The following CLNK variants were observed in gnomAD, a reference collection of about 807,000 sequenced individuals.
CLNK encodes cytokine dependent hematopoietic cell linker.
In CLNK, 74 loss-of-function variants were observed where a neutral mutation model predicts 68.6. That is an observed-to-expected ratio of 1.08 (90% CI 0.89 to 1.31). The LOEUF (loss-of-function observed/expected upper bound fraction) is 1.31, where lower values mean the gene tolerates loss of function less well. Ranked by LOEUF, CLNK falls within the 50% of genes most tolerant of loss-of-function variation. The pLI is 0.00. For missense variants in CLNK, 553 were observed against 515.3 expected (o/e 1.07, Z -0.71); for synonymous variants, 198 against 172.2 (o/e 1.15, Z -1.17).
At chr4:10,599,765 C>T (rs893878057) in intron 2 of CLNK, among the ~76,000 whole-genome samples, 3 of 151,982 alleles carry the variant, frequency 2.0e-5, no homozygotes, top group Admixed American at 2.0e-4. Context: ...AGTCAGATTC[C>T]CCAGATGCCT....
chr4:10,703,248 AAAG>A, the CLNK span, among the ~76,000 whole-genome samples: 1 of 152,310 alleles, frequency 6.6e-6, no homozygotes, highest in Non-Finnish European at 1.5e-5. Flanking sequence ...TATGAACACT[AAAG>A]AACACTAACT....
At chr4:10,493,520 A>G (rs962441467) in intron 18 of CLNK, among the ~76,000 whole-genome samples, 13 of 151,978 alleles carry the variant, frequency 8.6e-5, no homozygotes, top group Non-Finnish European at 1.5e-4. Context: ...AACGAATCTC[A>G]TCTGTGAGGG....
chr4:10,668,767 G>A (rs1260959964), intron 1 of CLNK, among the ~76,000 whole-genome samples: 1 of 152,166 alleles, frequency 6.6e-6, no homozygotes, highest in Non-Finnish European at 1.5e-5. Flanking sequence ...GCTTTCAGTT[G>A]TGGGACCTGC....
At chr4:10,635,356 C>T (rs1723039366) in intron 2 of CLNK, among the ~76,000 whole-genome samples, 1 of 152,146 alleles carries the variant, frequency 6.6e-6, no homozygotes, top group African/African-American at 2.4e-5. Context: ...CAGATTGCCC[C>T]GTTTCCTACG....
At chr4:10,709,650 T>A in the CLNK span, among the ~76,000 whole-genome samples, 1 of 152,178 alleles carries the variant, frequency 6.6e-6, no homozygotes, top group Admixed American at 6.6e-5. Context: ...TCTAGATGCC[T>A]TGTAACTTGC....
intron 17 of CLNK, among the ~76,000 whole-genome samples, chr4:10,504,116 CTTTTTTT>C (rs10660433): frequency 1.5e-5 from 1 of 67,330 alleles, no homozygotes; most frequent in Non-Finnish European, 2.7e-5. Context: ...TCTTTGGGTT[CTTTTTTT>C]TTTTTTTTTT....
intron 3 of CLNK, among the ~76,000 whole-genome samples, chr4:10,585,157 A>C: frequency 6.6e-6 from 1 of 152,324 alleles, no homozygotes; most frequent in South Asian, 2.1e-4. Context: ...TTTCTGGAAA[A>C]TAGCATGTAG....
At chr4:10,725,138 T>C in the CLNK span, among the ~76,000 whole-genome samples, 2 of 152,084 alleles carry the variant, frequency 1.3e-5, no homozygotes, top group African/African-American at 4.8e-5. Flanking sequence ...CCAGGTCCCA[T>C]AGCACCGTAG....
chr4:10,712,193 T>C, the CLNK span, among the ~76,000 whole-genome samples: 105 of 152,230 alleles, frequency 6.9e-4, no homozygotes, highest in East Asian at 0.015. Flanking sequence ...AAGAGAAAGG[T>C]GAGGAGGTGC....
chr4:10,724,662 A>C, the CLNK span, among the ~76,000 whole-genome samples: 2 of 151,882 alleles, frequency 1.3e-5, no homozygotes, highest in African/African-American at 2.4e-5. Flanking sequence ...AGCTCTTAGG[A>C]AGAAGAGAGG....
intron 3 of CLNK, among the ~76,000 whole-genome samples, chr4:10,590,503 C>T (rs886263351): frequency 6.6e-5 from 10 of 152,104 alleles, no homozygotes; most frequent in Admixed American, 1.3e-4. Flanking sequence ...TTTGGTTCTC[C>T]CCAGGCACCG....
rs114465205 is a variant in CLNK at position 10,668,464 on chromosome 4, A to G, written c.-42-553T>C. Among the ~76,000 whole-genome samples the G allele has an allele frequency of 3.5e-3, 539 of 152,324 alleles. 3 individuals are homozygous for G. The highest frequency in any genetic ancestry group is 0.012 in the African/African-American group (519 of 41,576). On this transcript the variant is annotated intron_variant, in intron 1 of 18. Coordinates refer to ENST00000226951, the MANE Select transcript of CLNK (RefSeq NM_052964.4). ...AGTATTCAGTAAGGGCTTCGTATCAATGATCTCATATAATCTACTCAAAGG... is the reference window on the plus strand; with the variant it reads ...AGTATTCAGTAAGGGCTTCGTATCAGTGATCTCATATAATCTACTCAAAGG...
At chr4:10,494,015 T>C (rs1716704453) in intron 18 of CLNK, among the ~76,000 whole-genome samples, 1 of 152,234 alleles carries the variant, frequency 6.6e-6, no homozygotes, top group South Asian at 2.1e-4. Context: ...TCCTCCCTTC[T>C]AGCTTTGCCA....
In CLNK at chr4:10,598,067, A is replaced by C; in HGVS notation, c.12-18T>G. 6.5e-7 allele frequency: 1 copy of C among 1,527,400 alleles called. No individual in the cohort carries two copies. The highest frequency in any genetic ancestry group is 8.9e-7 in the Non-Finnish European group (1 of 1,121,562). 94.6% of individuals were successfully genotyped at this position (1,527,400 alleles called of 1,614,324 possible). A position where few individuals can be genotyped will look rare whatever the true frequency, so the allele number is the denominator to read the frequency against. On this transcript the variant is annotated intron_variant, in intron 2 of 18. Coordinates refer to ENST00000226951, the MANE Select transcript of CLNK (RefSeq NM_052964.4). ...TATTGCCCCTGGGATGAAAGAAAAT[A>C]AATTATAGCTGGGAAATAGCAAGAA... is the stretch of plus-strand genomic sequence containing the variant.
intron 3 of CLNK, among the ~76,000 whole-genome samples, chr4:10,590,972 G>C (rs1034498027): frequency 4.6e-5 from 7 of 152,170 alleles, no homozygotes; most frequent in African/African-American, 1.7e-4. Flanking sequence ...AGATGGATTA[G>C]CTGAGGTTAG....
chr4:10,533,851 G>A (rs910453597), intron 11 of CLNK, among the ~76,000 whole-genome samples: 9 of 152,158 alleles, frequency 5.9e-5, no homozygotes, highest in African/African-American at 2.2e-4. Context: ...AGTTTGAAGT[G>A]TTTAAGATAA....
chr4:10,504,611 G>C (rs929830599), intron 17 of CLNK, among the ~76,000 whole-genome samples: 8 of 152,112 alleles, frequency 5.3e-5, no homozygotes, highest in Admixed American at 5.2e-4. Flanking sequence ...AAATAGGATG[G>C]CGGAATTTTC....
chr4:10,596,741 T>G (rs1233952033), intron 3 of CLNK, among the ~76,000 whole-genome samples: 1 of 152,228 alleles, frequency 6.6e-6, no homozygotes, highest in Non-Finnish European at 1.5e-5. Context: ...TGTTGCTCTT[T>G]TTAATATATC....
chr4:10,584,191 A>G (rs1989245), intron 4 of CLNK, among the ~76,000 whole-genome samples: 33,964 of 152,164 alleles, frequency 0.22, 4,050 homozygotes, highest in African/African-American at 0.29. Flanking sequence ...CAGTTCTCCC[A>G]GCTGCTGGGT....
Sources: allele counts gnomAD v4.1 joint callset (sites outside exome capture counted in the v4.1 genomes callset), GRCh38; gene constraint gnomAD v4.1.1; transcripts MANE v1.5; gene names NCBI Gene and HGNC (gene_info 2026-07-23, HGNC 2026-07-21).